The following PLXNC1 variants were observed in gnomAD, a reference collection of about 807,000 sequenced individuals.
PLXNC1 encodes the protein plexin C1, also known as plexin-C1.
A neutral mutation model predicts 178.2 loss-of-function variants in PLXNC1; 75 were observed. The observed-to-expected ratio is 0.42, with a 90% CI of 0.35 to 0.51. The LOEUF (loss-of-function observed/expected upper bound fraction) is 0.51. PLXNC1 is among the 20% of genes least tolerant of loss of function. PLXNC1 has a pLI of 0.02. For missense variants in PLXNC1, 1,503 were observed against 1,984.4 expected, an observed-to-expected ratio of 0.76 and a Z score of 4.61; for synonymous variants, 790 against 779.9, an observed-to-expected ratio of 1.01 and a Z score of -0.22.
intron 22 of PLXNC1, 133 bp from the exon 23 acceptor site, chr12:94,282,163 GTC>G (rs1162695259): frequency 1.6e-6 from 1 of 632,752 alleles, no homozygotes; most frequent in Non-Finnish European, 2.8e-6. Context: ...CAGGCTACCA[GTC>G]TGGCTGATGC....
At chr12:94,277,910 G>C in intron 21 of PLXNC1, 1 of 455,926 alleles carries the variant, frequency 2.2e-6, no homozygotes, top group Non-Finnish European at 4.4e-6. Context: ...GTTGAGGTAG[G>C]CCTGAGGGTT....
In PLXNC1 at chr12:94,149,215, G is replaced by A; in HGVS notation, c.244G>A (p.Asp82Asn). 6.3e-7 allele frequency: 1 copy of A among 1,585,156 alleles called. No homozygotes were observed. Among genetic ancestry groups the A allele is most frequent in the Non-Finnish European group, 8.5e-7 (1 of 1,170,550 alleles). ...GCACAGCCTCTCGCGCCTGTACCGGGACCAAGCGGGCAACTGCACAGAGCC... is the reference window on the plus strand; with the variant it reads ...GCACAGCCTCTCGCGCCTGTACCGGAACCAAGCGGGCAACTGCACAGAGCC... Reference protein sequence around the residue: ...LEHSLSRLYRDQAGNCTEPVS... With the variant: ...LEHSLSRLYRNQAGNCTEPVS... The change falls in exon 1 of 31, where the codon GAC becomes AAC. Residue 82 changes from aspartate (D) to asparagine (N), a missense_variant. Asp to Asn is a conservative substitution (Grantham distance 23). Coordinates refer to ENST00000258526, the MANE Select transcript of PLXNC1 (RefSeq NM_005761.3).
At chr12:94,249,670 C>T (rs1964623021) in intron 14 of PLXNC1, among the ~76,000 whole-genome samples, 1 of 151,824 alleles carries the variant, frequency 6.6e-6, no homozygotes, top group African/African-American at 2.4e-5. Context: ...AAGACCCTGT[C>T]TCAAAAAAAA....
intron 20 of PLXNC1, among the ~76,000 whole-genome samples, chr12:94,264,312 C>T (rs1314492046): frequency 1.3e-5 from 2 of 152,158 alleles, no homozygotes. Flanking sequence ...GAGGCAGCCC[C>T]ACCCCCAGCC....
chr12:94,226,509 C>A lies in PLXNC1; in HGVS notation c.1791-96C>A. ...AGGGATTTTTTTTTTTTTTTGCCTT[C>A]TTTTAAATGCTTGCATGCCACATCA... On this transcript the variant is annotated intron_variant, in intron 7 of 30. Coordinates refer to ENST00000258526, the MANE Select transcript of PLXNC1 (RefSeq NM_005761.3). 82 of 570,260 alleles carry A rather than the reference C, an allele frequency of 1.4e-4. No homozygotes were observed. Among genetic ancestry groups the A allele is most frequent in the East Asian group, 1.9e-4 (5 of 26,742 alleles). 35.3% of individuals were successfully genotyped at this position (570,260 alleles called of 1,614,324 possible). A position where few individuals can be genotyped will look rare whatever the true frequency, so the allele number is the denominator to read the frequency against.
At chr12:94,278,786 A>C (rs1966189925) in intron 21 of PLXNC1, among the ~76,000 whole-genome samples, 1 of 152,282 alleles carries the variant, frequency 6.6e-6, no homozygotes, top group African/African-American at 2.4e-5. Flanking sequence ...TCACAAGGTC[A>C]GGACTTTGAG....
At chr12:94,161,182 A>G (rs1961370510) in intron 1 of PLXNC1, among the ~76,000 whole-genome samples, 1 of 152,202 alleles carries the variant, frequency 6.6e-6, no homozygotes, top group Admixed American at 6.5e-5. Context: ...TTCAGTTACC[A>G]AGTGTTTCAG....
At chr12:94,208,513 T>C (rs1963372975) in intron 4 of PLXNC1, among the ~76,000 whole-genome samples, 1 of 152,176 alleles carries the variant, frequency 6.6e-6, no homozygotes, top group Non-Finnish European at 1.5e-5. Context: ...CATTCCTCAT[T>C]CCGCTCGGAT....
chr12:94,148,821 C>A lies in PLXNC1; in HGVS notation c.-151C>A. 1 of 153,680 alleles carries A rather than the reference C, an allele frequency of 6.5e-6. No individual in the cohort carries two copies. Among genetic ancestry groups the A allele is most frequent in the South Asian group, 1.8e-4 (1 of 5,468 alleles). The allele number at this position is 153,680 out of a possible 1,614,324, so 9.5% of individuals were successfully genotyped here. The stretch of plus-strand genomic sequence containing the variant: ...CCTGCCGCGCGCCGCCCTCCCCGCT[C>A]TCCTTCCTGGGCGAGCTGCGGGGAT... On this transcript the variant is annotated 5_prime_UTR_variant, in exon 1 of 31. Transcript: ENST00000258526. This position sits in a 1 kb window ranked among gnomAD's most constrained non-coding sequence, Gnocchi z 4.8.
chr12:94,167,959 AATTTAGTCCC>A (rs1397524220), intron 1 of PLXNC1: 1 of 152,244 alleles, frequency 6.6e-6, no homozygotes, highest in Admixed American at 6.5e-5. Context: ...TTCAGAAATC[AATTTAGTCCC>A]ATAATCCATT....
chr12:94,209,488 A>C, intron 4 of PLXNC1, 102 bp from the exon 5 acceptor site: 1 of 708,086 alleles, frequency 1.4e-6, no homozygotes, highest in South Asian at 1.6e-5. Context: ...GGCATTTTGT[A>C]CTGAAGCCAA....
At chr12:94,189,376 G>A (rs998218499) in intron 4 of PLXNC1, among the ~76,000 whole-genome samples, 1 of 152,092 alleles carries the variant, frequency 6.6e-6, no homozygotes, top group Non-Finnish European at 1.5e-5. Flanking sequence ...GGAAGTTCAA[G>A]TTGAGTTTAA....
chr12:94,156,551 CA>C (rs1426914096), intron 1 of PLXNC1, among the ~76,000 whole-genome samples: 11 of 151,134 alleles, frequency 7.3e-5, no homozygotes, highest in African/African-American at 2.2e-4. Context: ...AATCTCGGCT[CA>C]CTGCAACTAC....
chr12:94,298,847 T>A, intron 27 of PLXNC1, 52 bp downstream of exon 27: 1 of 1,512,808 alleles, frequency 6.6e-7, no homozygotes, highest in Non-Finnish European at 9.0e-7. Context: ...GACAGAATAT[T>A]AACTAAAAGA....
At chr12:94,167,258 A>G (rs1961650278) in intron 1 of PLXNC1, among the ~76,000 whole-genome samples, 1 of 152,208 alleles carries the variant, frequency 6.6e-6, no homozygotes, top group African/African-American at 2.4e-5. Flanking sequence ...GAACAGGTAC[A>G]GTATTAAGCA....
At chr12:94,247,481 T>C (rs1432102162) in intron 12 of PLXNC1, among the ~76,000 whole-genome samples, 1 of 152,040 alleles carries the variant, frequency 6.6e-6, no homozygotes, top group Admixed American at 6.6e-5. Flanking sequence ...ACACTTTTCT[T>C]TTCTCGTGGT....
At chr12:94,210,364 A>G (rs1963431266) in intron 5 of PLXNC1, among the ~76,000 whole-genome samples, 1 of 152,178 alleles carries the variant, frequency 6.6e-6, no homozygotes, top group African/African-American at 2.4e-5. Context: ...ACCGTGCCCT[A>G]CGGAAAAAGG....
intron 4 of PLXNC1, among the ~76,000 whole-genome samples, chr12:94,187,077 G>A (rs1245822610): frequency 1.3e-5 from 2 of 152,278 alleles, no homozygotes; most frequent in African/African-American, 4.8e-5. Context: ...CGCTGGGCCC[G>A]GCCTGGTTGG....
At chr12:94,195,255 G>A (rs750097235) in intron 4 of PLXNC1, among the ~76,000 whole-genome samples, 2 of 152,100 alleles carry the variant, frequency 1.3e-5, no homozygotes, top group East Asian at 1.9e-4. Context: ...AGTCTCTCCC[G>A]GCCTCCCACC....
Sources: allele counts gnomAD v4.1 joint callset (sites outside exome capture counted in the v4.1 genomes callset), GRCh38; gene constraint gnomAD v4.1.1; non-coding constraint Gnocchi (gnomAD v3.1); transcripts MANE v1.5; gene names NCBI Gene and HGNC (gene_info 2026-07-23, HGNC 2026-07-21).